MFSD11: variants seen among roughly 807,000 people sequenced by gnomAD.
MFSD11 encodes the protein major facilitator superfamily domain containing 11, also known as UNC93-like protein MFSD11.
Under a neutral mutation model 53.5 loss-of-function variants are expected in MFSD11, and 36 were observed. The observed-to-expected ratio is 0.67, with a 90% CI of 0.52 to 0.89. MFSD11 has a LOEUF of 0.89. Among genes scored for constraint, MFSD11 ranks in the 40% least tolerant of loss-of-function variants. MFSD11 has a pLI of 0.00. For missense variants in MFSD11, 530 were observed against 543.9 expected, an observed-to-expected ratio of 0.97 and a Z score of 0.25; for synonymous variants, 186 against 184.9, an observed-to-expected ratio of 1.01 and a Z score of -0.05.
At chr17:76,769,030 A>G (rs2081144172) in intron 9 of MFSD11, among the ~76,000 whole-genome samples, 2 of 151,872 alleles carry the variant, frequency 1.3e-5, no homozygotes, top group South Asian at 4.2e-4. Flanking sequence ...TTGGAAAGCT[A>G]CTAACAAGGT....
At chr17:76,754,277 A>T (rs1400697239) in intron 8 of MFSD11, 190 bp downstream of exon 8, 1 of 547,148 alleles carries the variant, frequency 1.8e-6, no homozygotes, top group Non-Finnish European at 3.3e-6. Flanking sequence ...GGGATGGATG[A>T]TGGTATGACT....
Position 76,775,101 on chromosome 17 carries a change from C to A in MFSD11, c.979C>A (p.Leu327Ile), listed in dbSNP as rs774006074. The A allele has an allele frequency of 3.7e-6, 6 of 1,614,052 alleles. No individual in the cohort carries two copies. The highest frequency in any genetic ancestry group is 5.1e-6 in the Non-Finnish European group (6 of 1,179,948). Reference protein sequence around the residue: ...VHFIAFYLIFLNMPGDAPIAP... With the variant: ...VHFIAFYLIFINMPGDAPIAP... ...CTTCATAGCTTTTTATCTAATATTT[C>A]TCAACATGCCTGGAGATGCCCCGAT... is the stretch of plus-strand genomic sequence containing the variant. Residue 327 changes from leucine to isoleucine, a missense_variant, in exon 11 of 13, where the codon CTC becomes ATC. By Grantham distance (5) the Leu-to-Ile change is conservative. Transcript: ENST00000685175.
intron 7 of MFSD11, among the ~76,000 whole-genome samples, chr17:76,745,649 ATGT>A (rs996474956): frequency 3.3e-5 from 5 of 152,158 alleles, no homozygotes; most frequent in African/African-American, 1.2e-4. Context: ...TAATTGATAA[ATGT>A]TGTGTGTGTT....
chr17:76,801,154 G>A, the MFSD11 span, among the ~76,000 whole-genome samples: 14 of 151,828 alleles, frequency 9.2e-5, no homozygotes, highest in African/African-American at 2.2e-4. Flanking sequence ...CACTTCGGGC[G>A]GCTGAGGAGA....
chr17:76,737,005 C>G, upstream of MFSD11: 1 of 1,613,472 alleles, frequency 6.2e-7, no homozygotes, highest in East Asian at 2.2e-5. Context: ...CGCGGGACTC[C>G]TTGGTGTAGC....
At chr17:76,774,808 C>G (rs2081664075) in intron 10 of MFSD11, among the ~76,000 whole-genome samples, 189 bp from the exon 11 acceptor site, 1 of 152,114 alleles carries the variant, frequency 6.6e-6, no homozygotes, top group Non-Finnish European at 1.5e-5. Context: ...ATTTTGATAC[C>G]TTACTTTTTT....
chr17:76,743,378 C>T lies in MFSD11; in HGVS notation c.438-20C>T. On this transcript the variant is annotated intron_variant, in intron 5 of 12. Coordinates refer to ENST00000685175, the MANE Select transcript of MFSD11 (RefSeq NM_001242532.5). The stretch of plus-strand genomic sequence containing the variant: ...TTAAAATAATTACCCAACATCCTAT[C>T]CTCCCTTTTCTTCCCCCAGCTTGTT... 1 of 1,512,270 alleles carries T rather than the reference C, an allele frequency of 6.6e-7. No homozygotes were observed. The highest frequency in any genetic ancestry group is 9.0e-7 in the Non-Finnish European group (1 of 1,109,348). 93.7% of individuals were successfully genotyped at this position (1,512,270 alleles called of 1,614,324 possible).
intron 8 of MFSD11, among the ~76,000 whole-genome samples, chr17:76,765,054 C>T (rs1359162631): frequency 6.6e-6 from 1 of 152,066 alleles, no homozygotes; most frequent in African/African-American, 2.4e-5. Flanking sequence ...GTTGTGTGTG[C>T]TTTTGATGTC....
At chr17:76,737,337 GGCA>G (rs1237803869), upstream of MFSD11, 2 of 824,462 alleles carry the variant, frequency 2.4e-6, no homozygotes, top group Non-Finnish European at 3.6e-6. Flanking sequence ...CAACTGGGCG[GGCA>G]GCCGGCCTCT....
intron 8 of MFSD11, among the ~76,000 whole-genome samples, chr17:76,760,810 G>A (rs770736972): frequency 2.6e-5 from 4 of 152,192 alleles, no homozygotes; most frequent in South Asian, 4.1e-4. Flanking sequence ...GGTTATAGGC[G>A]TGAGCCACTG....
intron 12 of MFSD11, among the ~76,000 whole-genome samples, 184 bp from the exon 13 acceptor site, chr17:76,778,004 G>C (rs1371400904): frequency 5.9e-5 from 9 of 152,112 alleles, no homozygotes; most frequent in Non-Finnish European, 1.3e-4. Flanking sequence ...AGGAACTGTG[G>C]CAGGAGTTTA....
At chr17:76,771,227 G>A (rs1355916273) in intron 10 of MFSD11, among the ~76,000 whole-genome samples, 2 of 152,196 alleles carry the variant, frequency 1.3e-5, no homozygotes, top group Non-Finnish European at 2.9e-5. Flanking sequence ...CCCCCTTAGC[G>A]TAAACTTCAG....
the MFSD11 span, among the ~76,000 whole-genome samples, chr17:76,803,093 T>C: frequency 6.6e-6 from 1 of 151,864 alleles, no homozygotes. Context: ...GAGGCAGAGG[T>C]TGCAAGGAGG....
chr17:76,768,733 C>T (rs150220532), intron 9 of MFSD11, among the ~76,000 whole-genome samples: 3,952 of 152,032 alleles, frequency 0.026, 173 homozygotes, highest in African/African-American at 0.09. Flanking sequence ...GTCTGTAATC[C>T]CAGCACTTTG....
At chr17:76,794,060 G>C in the MFSD11 span, among the ~76,000 whole-genome samples, 1 of 151,410 alleles carries the variant, frequency 6.6e-6, no homozygotes, top group Non-Finnish European at 1.5e-5. Flanking sequence ...TTTAGCCCCA[G>C]GAGACCCGTC....
intron 7 of MFSD11, among the ~76,000 whole-genome samples, chr17:76,751,196 C>T (rs1339296299): frequency 6.6e-6 from 1 of 151,444 alleles, no homozygotes; most frequent in Non-Finnish European, 1.5e-5. Context: ...CGAGACTATC[C>T]TGGCTAACAC....
chr17:76,766,702 A>G (rs1232877836), intron 8 of MFSD11, among the ~76,000 whole-genome samples: 1 of 152,222 alleles, frequency 6.6e-6, no homozygotes, highest in African/African-American at 2.4e-5. Context: ...GATATATCAC[A>G]ATTAAAATCT....
downstream of MFSD11, among the ~76,000 whole-genome samples, chr17:76,786,346 T>C (rs1373550731): frequency 6.6e-6 from 1 of 152,090 alleles, no homozygotes; most frequent in South Asian, 2.1e-4. Flanking sequence ...GGTTTCGCCA[T>C]GTTGGCCAGG....
intron 8 of MFSD11, among the ~76,000 whole-genome samples, chr17:76,758,523 C>A (rs1392729077): frequency 7.4e-6 from 1 of 135,268 alleles, no homozygotes; most frequent in Non-Finnish European, 1.5e-5. Context: ...GTCAAGGCTG[C>A]AGTAAACAGT....
Sources: gnomAD v4.1 joint callset for allele counts (sites outside exome capture counted in the v4.1 genomes callset) on GRCh38, gnomAD v4.1.1 for gene constraint, MANE v1.5 for transcripts, NCBI Gene and HGNC (gene_info 2026-07-23, HGNC 2026-07-21) for gene names.